Variants in PLA2G4E observed in about 807,000 individuals in gnomAD.
PLA2G4E encodes the protein cytosolic phospholipase A2 epsilon.
PLA2G4E carries 84 observed loss-of-function variants against 109.1 expected under a neutral mutation model. That is an observed-to-expected ratio of 0.77 (90% CI 0.65 to 0.92). The LOEUF (loss-of-function observed/expected upper bound fraction) is 0.92. Ranked by LOEUF, PLA2G4E falls within the 40% of genes least tolerant of loss-of-function variation. The pLI is 0.00. For synonymous variants in PLA2G4E, 469 were observed against 436.1 expected (o/e 1.08, Z -0.94); for missense variants, 1,057 against 1,076.6 (o/e 0.98, Z 0.25).
chr15:42,044,391 G>T (rs1011293075), intron 1 of PLA2G4E, among the ~76,000 whole-genome samples: 1 of 152,102 alleles, frequency 6.6e-6, no homozygotes, highest in Non-Finnish European at 1.5e-5. Flanking sequence ...AGTGGAAAAG[G>T]CTGGCGTGTT....
chr15:42,038,777 T>A (rs1017837541), intron 1 of PLA2G4E, among the ~76,000 whole-genome samples: 1 of 152,240 alleles, frequency 6.6e-6, no homozygotes, highest in Non-Finnish European at 1.5e-5. Flanking sequence ...GTCATGTTTC[T>A]TTAGTGTCTA....
At chr15:42,028,217 A>G (rs182689888) in intron 1 of PLA2G4E, among the ~76,000 whole-genome samples, 1 of 152,342 alleles carries the variant, frequency 6.6e-6, no homozygotes, top group African/African-American at 2.4e-5. Flanking sequence ...TTAAAGAAGC[A>G]GAATTGAAAC....
At chr15:41,996,307 C>G (rs1232995088) in intron 11 of PLA2G4E, among the ~76,000 whole-genome samples, 2 of 140,412 alleles carry the variant, frequency 1.4e-5, no homozygotes, top group Non-Finnish European at 3.0e-5. Context: ...GTGATGGTGC[C>G]ACTGCACTCC....
At chr15:42,013,890 T>G (rs1214752612) in intron 1 of PLA2G4E, 133 bp from the exon 2 acceptor site, 7 of 583,218 alleles carry the variant, frequency 1.2e-5, no homozygotes, top group African/African-American at 8.2e-5. Flanking sequence ...TGGTTTTTTT[T>G]TTTTTTTTTT....
At chr15:42,020,742 A>G (rs545944009) in intron 1 of PLA2G4E, among the ~76,000 whole-genome samples, 193 bp downstream of exon 1, 8 of 152,260 alleles carry the variant, frequency 5.3e-5, no homozygotes, top group South Asian at 2.1e-4. Flanking sequence ...CCTGGCCCCA[A>G]CTGGGATAAA....
At chr15:42,039,965 G>GA (rs947178764) in intron 1 of PLA2G4E, among the ~76,000 whole-genome samples, 4 of 152,110 alleles carry the variant, frequency 2.6e-5, no homozygotes, top group Non-Finnish European at 5.9e-5. Context: ...AAATGAAAAT[G>GA]AAAAAATGTT....
At chr15:42,000,428 T>A (rs2068404793) in intron 7 of PLA2G4E, 146 bp from the exon 8 acceptor site, 6 of 786,450 alleles carry the variant, frequency 7.6e-6, no homozygotes, top group Non-Finnish European at 1.2e-5. Flanking sequence ...AGATTCTCAA[T>A]CTATAGGGTA....
intron 10 of PLA2G4E, among the ~76,000 whole-genome samples, chr15:41,999,317 TA>T (rs892652358): frequency 6.6e-6 from 1 of 151,796 alleles, no homozygotes; most frequent in Admixed American, 6.6e-5. Flanking sequence ...AACTTAACAA[TA>T]AAAAAACACA....
At chr15:42,010,142 C>CCCA (rs139522193) in intron 2 of PLA2G4E, 14 of 459,746 alleles carry the variant, frequency 3.0e-5, no homozygotes, top group Non-Finnish European at 4.8e-5. Flanking sequence ...GCCCCCCCAC[C>CCCA]CCGGGCCTGG....
At chr15:42,025,600 C>T (rs867655612) in intron 1 of PLA2G4E, among the ~76,000 whole-genome samples, 2 of 152,080 alleles carry the variant, frequency 1.3e-5, no homozygotes, top group Non-Finnish European at 2.9e-5. Flanking sequence ...TGTATGCAGG[C>T]GAAGTTTGGC....
At position 41,992,940 on chromosome 15, in the gene PLA2G4E, G is replaced by A. The variant is rs200625247; in HGVS notation, c.1267C>T (p.Arg423Cys). The stretch of plus-strand genomic sequence containing the variant: ...TTTTTGGAGGACCAGTCAGGGTCAC[G>A]GTACAAGGTAGCCATGGTCCTGGAA... The change falls in exon 13 of 20, where the codon CGT becomes TGT. Residue 423 changes from arginine to cysteine, a missense_variant. Transcript: ENST00000399518. The A allele has an allele frequency of 3.0e-4, 488 of 1,612,476 alleles. No individual in the cohort carries two copies. Among genetic ancestry groups the A allele is most frequent in the Non-Finnish European group, 3.9e-4 (460 of 1,179,364 alleles).
At chr15:42,048,969 G>C (rs193236257) in intron 1 of PLA2G4E, among the ~76,000 whole-genome samples, 5 of 152,232 alleles carry the variant, frequency 3.3e-5, no homozygotes, top group Admixed American at 2.0e-4. Flanking sequence ...GCAAGGGCAG[G>C]CCATTAACCT....
chr15:42,004,839 T>C (rs1055670576), intron 5 of PLA2G4E, 99 bp downstream of exon 5: 3 of 1,267,258 alleles, frequency 2.4e-6, no homozygotes, highest in East Asian at 2.5e-5. Flanking sequence ...TGGAAGAGGG[T>C]GAGGCAGCAA....
At chr15:42,016,041 T>C (rs1428754027) in intron 1 of PLA2G4E, among the ~76,000 whole-genome samples, 2 of 152,178 alleles carry the variant, frequency 1.3e-5, no homozygotes, top group Admixed American at 6.5e-5. Context: ...TCTGTATTTA[T>C]AGAAGCGTCT....
At chr15:41,990,889 G>A (rs780995294) in intron 13 of PLA2G4E, among the ~76,000 whole-genome samples, 7 of 151,730 alleles carry the variant, frequency 4.6e-5, no homozygotes, top group Non-Finnish European at 7.4e-5. Context: ...CACTGCAAAC[G>A]AGGCAGAATC....
exon 20 of PLA2G4E, chr15:41,983,498 A>G (rs1010387124): frequency 4.2e-6 from 2 of 478,530 alleles, no homozygotes; most frequent in African/African-American, 3.9e-5. Context: ...GCCTGTGGCT[A>G]TGAGACCACC....
intron 2 of PLA2G4E, among the ~76,000 whole-genome samples, chr15:42,013,047 C>G (rs1052296130): frequency 2.0e-5 from 3 of 152,184 alleles, no homozygotes; most frequent in African/African-American, 7.2e-5. Context: ...CATTGGCCCC[C>G]GTGGCCTGGA....
At chr15:42,035,593 T>C (rs1011380695) in intron 1 of PLA2G4E, among the ~76,000 whole-genome samples, 2 of 152,296 alleles carry the variant, frequency 1.3e-5, no homozygotes, top group African/African-American at 4.8e-5. Context: ...GGAAATCATG[T>C]CATATGCAAA....
chr15:42,016,632 C>A (rs2068597962), intron 1 of PLA2G4E, among the ~76,000 whole-genome samples: 1 of 152,130 alleles, frequency 6.6e-6, no homozygotes, highest in Non-Finnish European at 1.5e-5. Flanking sequence ...GCCACTGTGC[C>A]TGGCCCCTGG....
Sources: gnomAD v4.1 joint callset for allele counts (sites outside exome capture counted in the v4.1 genomes callset) on GRCh38, gnomAD v4.1.1 for gene constraint, MANE v1.5 for transcripts, NCBI Gene and HGNC (gene_info 2026-07-23, HGNC 2026-07-21) for gene names.